The following KCNIP4 variants were observed in gnomAD, a reference collection of about 807,000 sequenced individuals.
The protein encoded by KCNIP4 is Kv channel-interacting protein 4.
KCNIP4 carries 12 observed loss-of-function variants against 34.0 expected under a neutral mutation model. That is an observed-to-expected ratio of 0.35 (90% confidence interval 0.23 to 0.57). KCNIP4 has a LOEUF of 0.57. Ranked by LOEUF, KCNIP4 falls within the 20% of genes least tolerant of loss-of-function variation. The probability of loss-of-function intolerance (pLI) is 0.83; values close to 1 mark genes in which losing one functional copy is unlikely to be tolerated. For missense variants in KCNIP4, 238 were observed against 311.7 expected, an observed-to-expected ratio of 0.76 and a Z score of 1.78; for synonymous variants, 124 against 102.2, an observed-to-expected ratio of 1.21 and a Z score of -1.29.
chr4:21,803,778 G>A (rs1017448198), intron 1 of KCNIP4, among the ~76,000 whole-genome samples: 3 of 152,090 alleles, frequency 2.0e-5, no homozygotes, highest in Non-Finnish European at 4.4e-5. Context: ...CCAGAGCACT[G>A]ATTTCATTGG....
intron 1 of KCNIP4, among the ~76,000 whole-genome samples, chr4:21,139,066 C>T (rs981899345): frequency 3.9e-5 from 6 of 152,178 alleles, no homozygotes; most frequent in African/African-American, 1.4e-4. Flanking sequence ...ACAATCACTC[C>T]ACTCTAACAC....
chr4:21,049,304 A>G (rs972516807), intron 1 of KCNIP4, among the ~76,000 whole-genome samples: 3 of 152,178 alleles, frequency 2.0e-5, no homozygotes, highest in Admixed American at 2.0e-4. Context: ...GCAGAGATAC[A>G]TAGTTACCCT....
intron 1 of KCNIP4, among the ~76,000 whole-genome samples, chr4:21,537,600 T>G (rs912802935): frequency 6.6e-6 from 1 of 152,142 alleles, no homozygotes; most frequent in Non-Finnish European, 1.5e-5. Flanking sequence ...TTGGAATTTG[T>G]GAATATAACC....
At chr4:21,920,974 G>C (rs1457929879) in intron 1 of KCNIP4, among the ~76,000 whole-genome samples, 1 of 152,096 alleles carries the variant, frequency 6.6e-6, no homozygotes, top group Non-Finnish European at 1.5e-5. Context: ...AATGCATCCT[G>C]GTAAGTGCTG....
At chr4:21,908,786 A>G (rs1262083564) in intron 1 of KCNIP4, among the ~76,000 whole-genome samples, 2 of 152,212 alleles carry the variant, frequency 1.3e-5, no homozygotes, top group Non-Finnish European at 2.9e-5. Flanking sequence ...CCGCAATCAT[A>G]AAGTAGTTGA....
intron 1 of KCNIP4, among the ~76,000 whole-genome samples, chr4:21,101,027 T>C (rs1033092667): frequency 1.1e-4 from 16 of 152,316 alleles, no homozygotes; most frequent in African/African-American, 3.6e-4. Context: ...TATTGCGTAG[T>C]GGTGAAGCCT....
At chr4:21,234,443 A>T (rs1560199456) in intron 1 of KCNIP4, among the ~76,000 whole-genome samples, 1 of 131,146 alleles carries the variant, frequency 7.6e-6, no homozygotes, top group East Asian at 2.1e-4. Context: ...TAACGTATAT[A>T]ATATATATTA....
At chr4:20,986,398 G>A (rs1317881289) in intron 1 of KCNIP4, among the ~76,000 whole-genome samples, 7 of 152,094 alleles carry the variant, frequency 4.6e-5, no homozygotes, top group Non-Finnish European at 8.8e-5. Context: ...TGGCGGGGAA[G>A]CAGGTTTTAG....
rs890583700 is a variant in KCNIP4 at position 20,922,506 on chromosome 4, T to C, written c.62-39797A>G. Reference sequence around the variant, plus strand: ...CAAATGGTGGGACTTCTAGACCTCATAATAGTGTGACTGTCTGTCTGTCTG... The same window carrying C: ...CAAATGGTGGGACTTCTAGACCTCACAATAGTGTGACTGTCTGTCTGTCTG... On this transcript the variant is annotated intron_variant, in intron 1 of 8. Coordinates refer to ENST00000382152, the MANE Select transcript of KCNIP4 (RefSeq NM_025221.6). Among the ~76,000 whole-genome samples, 3 of 151,356 alleles carry C rather than the reference T, an allele frequency of 2.0e-5. 1 individual carries two copies. The highest frequency in any genetic ancestry group is 2.9e-5 in the Non-Finnish European group (2 of 67,952).
At chr4:20,746,291 A>G (rs908743704) in intron 5 of KCNIP4, among the ~76,000 whole-genome samples, 1 of 151,954 alleles carries the variant, frequency 6.6e-6, no homozygotes, top group Non-Finnish European at 1.5e-5. Context: ...CAAACATTGC[A>G]TGTTCTCACT....
intron 6 of KCNIP4, among the ~76,000 whole-genome samples, chr4:20,733,964 G>A (rs1188965233): frequency 6.6e-6 from 1 of 152,068 alleles, no homozygotes; most frequent in Non-Finnish European, 1.5e-5. Context: ...GGGGCCTCTT[G>A]CTCAAAACTC....
intron 1 of KCNIP4, among the ~76,000 whole-genome samples, chr4:21,438,330 G>A (rs1727143391): frequency 6.6e-6 from 1 of 152,120 alleles, no homozygotes; most frequent in South Asian, 2.1e-4. Context: ...TGTATATAAA[G>A]TTACTGAGCT....
intron 1 of KCNIP4, among the ~76,000 whole-genome samples, chr4:20,984,192 T>C (rs1397377179): frequency 6.6e-6 from 1 of 152,250 alleles, no homozygotes; most frequent in Non-Finnish European, 1.5e-5. Context: ...CACTCTATGC[T>C]GCAGCCAGCG....
intron 1 of KCNIP4, among the ~76,000 whole-genome samples, chr4:21,683,105 C>CTGTA (rs970860010): frequency 4.9e-4 from 74 of 152,266 alleles, no homozygotes; most frequent in African/African-American, 1.7e-3. Context: ...TGAGGCATGC[C>CTGTA]TGTATGTTTT....
chr4:21,408,642 CT>C (rs1393967039), intron 1 of KCNIP4, among the ~76,000 whole-genome samples: 3 of 152,106 alleles, frequency 2.0e-5, no homozygotes, highest in African/African-American at 4.8e-5. Context: ...ATCTTTTAGA[CT>C]TTTTTTGAGA....
chr4:21,049,553 A>C (rs190500132), intron 1 of KCNIP4, among the ~76,000 whole-genome samples: 1 of 152,318 alleles, frequency 6.6e-6, no homozygotes, highest in African/African-American at 2.4e-5. Context: ...TCAATGTACA[A>C]GTGTTTCTAT....
intron 1 of KCNIP4, chr4:20,984,001 G>T: frequency 6.6e-7 from 1 of 1,517,102 alleles, no homozygotes; most frequent in East Asian, 2.5e-5. Flanking sequence ...TCGTAGCAAC[G>T]TCAGGCTTGG....
At chr4:21,929,250 G>A (rs748820237) in intron 1 of KCNIP4, among the ~76,000 whole-genome samples, 4 of 152,020 alleles carry the variant, frequency 2.6e-5, no homozygotes, top group South Asian at 2.1e-4. Context: ...GAGGAGAGGC[G>A]ATTAAAAAGG....
intron 3 of KCNIP4, among the ~76,000 whole-genome samples, chr4:20,768,628 C>A (rs1003356145): frequency 6.6e-6 from 1 of 152,116 alleles, no homozygotes; most frequent in Non-Finnish European, 1.5e-5. Context: ...TCTGATATAA[C>A]AGGTAAGTAA....
Sources: gnomAD v4.1 joint callset for allele counts (sites outside exome capture counted in the v4.1 genomes callset) on GRCh38, gnomAD v4.1.1 for gene constraint, MANE v1.5 for transcripts, NCBI Gene and HGNC (gene_info 2026-07-23, HGNC 2026-07-21) for gene names.